SPRY3: variants seen among roughly 807,000 people sequenced by gnomAD.
SPRY3 encodes the protein sprouty RTK signaling antagonist 3.
Under a neutral mutation model 20.2 loss-of-function variants are expected in SPRY3, and 15 were observed. The observed-to-expected ratio is 0.74, with a 90% CI of 0.50 to 1.14. The LOEUF (loss-of-function observed/expected upper bound fraction) is 1.14, where lower values mean the gene tolerates loss of function less well. Ranked by LOEUF, SPRY3 falls within the 50% of genes most tolerant of loss-of-function variation. The pLI, the probability that SPRY3 is intolerant of heterozygous loss-of-function variation, is 0.00. For synonymous variants in SPRY3, 143 were observed against 136.5 expected (o/e 1.05, Z -0.33); for missense variants, 364 against 363.9 (o/e 1.00, Z 0.00).
intron 2 of SPRY3, among the ~76,000 whole-genome samples, chrX:155,692,566 GA>G (rs1172462345): frequency 1.8e-5 from 2 of 110,998 alleles, no homozygotes; most frequent in East Asian, 2.8e-4. Flanking sequence ...AATGTTTATA[GA>G]AAAAAATCTG....
chrX:155,728,416 AG>A (rs1458541727), intron 2 of SPRY3, among the ~76,000 whole-genome samples: 1 of 152,204 alleles, frequency 6.6e-6, no homozygotes, highest in Non-Finnish European at 1.5e-5. Context: ...CTGCCCACAG[AG>A]GTGGAGTCTA....
chrX:155,725,766 G>T (rs1251177690), intron 2 of SPRY3, among the ~76,000 whole-genome samples: 1 of 151,824 alleles, frequency 6.6e-6, no homozygotes, highest in Non-Finnish European at 1.5e-5. Context: ...TTCCAAAAAA[G>T]CAGCTCCTGG....
At chrX:155,716,644 C>A (rs1260945722) in intron 2 of SPRY3, among the ~76,000 whole-genome samples, 1 of 151,880 alleles carries the variant, frequency 6.6e-6, no homozygotes. Context: ...CCTTAATCTG[C>A]AGAATCTGTC....
chrX:155,650,138 T>C (rs1477062354), intron 1 of SPRY3, among the ~76,000 whole-genome samples: 1 of 111,852 alleles, frequency 8.9e-6, no homozygotes, highest in Non-Finnish European at 1.9e-5. Flanking sequence ...AAACATTCCA[T>C]GCTCATGGAT....
At chrX:155,764,887 T>C (rs2091318484) in intron 2 of SPRY3, among the ~76,000 whole-genome samples, 1 of 152,186 alleles carries the variant, frequency 6.6e-6, no homozygotes, top group Admixed American at 6.5e-5. Context: ...AGATAACTTA[T>C]AAACAACAGA....
exon 4 of SPRY3, chrX:155,775,748 C>G (rs1052732211): frequency 2.4e-5 from 4 of 167,016 alleles, no homozygotes; most frequent in African/African-American, 7.2e-5. Context: ...ATGTCTGACC[C>G]AAGTGCCAAA....
At chrX:155,694,146 C>G (rs1414510310) in intron 2 of SPRY3, among the ~76,000 whole-genome samples, 1 of 112,176 alleles carries the variant, frequency 8.9e-6, no homozygotes, top group East Asian at 2.8e-4. Flanking sequence ...GTCATTGGAC[C>G]TAGCTCTACC....
At chrX:155,712,575 T>C (rs1480798114) in intron 2 of SPRY3, among the ~76,000 whole-genome samples, 1 of 152,066 alleles carries the variant, frequency 6.6e-6, no homozygotes, top group Non-Finnish European at 1.5e-5. Flanking sequence ...TATGTATCTT[T>C]ATAGGTGAAG....
chrX:155,672,738 T>C (rs1331226044), intron 2 of SPRY3, among the ~76,000 whole-genome samples: 1 of 104,498 alleles, frequency 9.6e-6, no homozygotes, highest in African/African-American at 3.5e-5. Context: ...GGACTATAAA[T>C]CATGCTGCTA....
At chrX:155,665,565 T>G (rs1557354252) in intron 2 of SPRY3, among the ~76,000 whole-genome samples, 1 of 111,636 alleles carries the variant, frequency 9.0e-6, no homozygotes, top group East Asian at 2.8e-4. Context: ...AGATAAATCT[T>G]AAAATCATAA....
intron 1 of SPRY3, among the ~76,000 whole-genome samples, chrX:155,646,861 C>T (rs1412699567): frequency 1.8e-5 from 2 of 111,297 alleles, no homozygotes; most frequent in Non-Finnish European, 3.8e-5. Flanking sequence ...TTATCCTTGT[C>T]TTGTTTCTGA....
At chrX:155,673,063 T>A (rs1256609808) in intron 2 of SPRY3, among the ~76,000 whole-genome samples, 12 of 19,546 alleles carry the variant, frequency 6.1e-4, no homozygotes, top group Non-Finnish European at 1.1e-3. Flanking sequence ...TGGGGACTGT[T>A]GTGGGGTGGG....
At chrX:155,729,495 TA>T (rs2091119472) in intron 2 of SPRY3, among the ~76,000 whole-genome samples, 1 of 151,980 alleles carries the variant, frequency 6.6e-6, no homozygotes, top group South Asian at 2.1e-4. Context: ...GAAGAAAATT[TA>T]AAAATTTCTT....
chrX:155,742,466 C>T (rs1160450074), intron 2 of SPRY3, among the ~76,000 whole-genome samples: 1 of 152,140 alleles, frequency 6.6e-6, no homozygotes, highest in Admixed American at 6.6e-5. Flanking sequence ...TATACAGGAC[C>T]TGAACCCTGC....
At chrX:155,655,281 T>C (rs920660052) in intron 1 of SPRY3, among the ~76,000 whole-genome samples, 2 of 111,685 alleles carry the variant, frequency 1.8e-5, no homozygotes, top group Non-Finnish European at 3.8e-5. Flanking sequence ...GTTAGATGCA[T>C]AGTTTGAAAA....
intron 1 of SPRY3, among the ~76,000 whole-genome samples, chrX:155,621,844 C>T (rs2067872062): frequency 2.7e-5 from 3 of 111,561 alleles, no homozygotes; most frequent in Admixed American, 1.9e-4. Flanking sequence ...TCATTTATAC[C>T]GTATCTTATT....
chrX:155,758,003 G>A (rs2091289842), intron 2 of SPRY3, among the ~76,000 whole-genome samples: 1 of 152,162 alleles, frequency 6.6e-6, no homozygotes. Flanking sequence ...AGATTCTATT[G>A]CAGTTTATGT....
intron 1 of SPRY3, among the ~76,000 whole-genome samples, chrX:155,627,715 A>G (rs782417455): frequency 1.3e-3 from 142 of 110,255 alleles, no homozygotes; most frequent in African/African-American, 4.6e-3. Flanking sequence ...GGTTTGTTAC[A>G]TAGGTAAATG....
At chrX:155,710,360 C>T (rs989964059) in intron 2 of SPRY3, among the ~76,000 whole-genome samples, 1 of 151,600 alleles carries the variant, frequency 6.6e-6, no homozygotes, top group African/African-American at 2.4e-5. Context: ...TTACAACTTT[C>T]ATTGTAGAGA....
Sources: allele counts gnomAD v4.1 joint callset (sites outside exome capture counted in the v4.1 genomes callset), GRCh38; gene constraint gnomAD v4.1.1; transcripts MANE v1.5; gene names NCBI Gene and HGNC (gene_info 2026-07-23, HGNC 2026-07-21).